KCNJ15: variants seen among roughly 807,000 people sequenced by gnomAD.
The protein encoded by KCNJ15 is potassium inwardly rectifying channel subfamily J member 15.
A neutral mutation model predicts 23.0 loss-of-function variants in KCNJ15; 14 were observed. That is an observed-to-expected ratio of 0.61 (90% confidence interval 0.40 to 0.95). KCNJ15 has a LOEUF of 0.95. Ranked by LOEUF, KCNJ15 falls within the 40% of genes least tolerant of loss-of-function variation. The pLI, the probability that KCNJ15 is intolerant of heterozygous loss-of-function variation, is 0.00. For synonymous variants in KCNJ15, 185 were observed against 183.2 expected (o/e 1.01, Z -0.08); for missense variants, 388 against 461.8 (o/e 0.84, Z 1.46).
At chr21:38,282,597 G>T (rs1983472703) in intron 1 of KCNJ15, among the ~76,000 whole-genome samples, 1 of 152,114 alleles carries the variant, frequency 6.6e-6, no homozygotes, top group Admixed American at 6.5e-5. Flanking sequence ...CTGTGGACTG[G>T]ATTCCTCTCT....
intron 1 of KCNJ15, among the ~76,000 whole-genome samples, chr21:38,247,808 T>A (rs1359062248): frequency 6.6e-6 from 1 of 152,218 alleles, no homozygotes; most frequent in South Asian, 2.1e-4. Flanking sequence ...AACATTCACA[T>A]GGTCCAGTGT....
chr21:38,242,081 A>G (rs1289083028), intron 1 of KCNJ15, among the ~76,000 whole-genome samples: 2 of 151,642 alleles, frequency 1.3e-5, no homozygotes, highest in Non-Finnish European at 2.9e-5. Context: ...AGAGAGGATT[A>G]TTCTTAACAG....
chr21:38,302,270 G>A lies in KCNJ15; in HGVS notation c.*1881G>A, dbSNP rs1985853169. 3 of 152,196 alleles carry A rather than the reference G, an allele frequency of 2.0e-5. No homozygotes were observed. 9.4% of individuals were successfully genotyped at this position (152,196 alleles called of 1,614,324 possible). A position where few individuals can be genotyped will look rare whatever the true frequency, so the allele number is the denominator to read the frequency against. ...GGATTCAGGTTATCAGTGAAATGAT[G>A]GTATAGATTACAGCAAATCTGGATA... On this transcript the variant is annotated 3_prime_UTR_variant, in exon 3 of 3. Transcript: ENST00000398938.
intron 1 of KCNJ15, among the ~76,000 whole-genome samples, chr21:38,294,141 A>T (rs1424482458): frequency 6.6e-6 from 1 of 152,206 alleles, no homozygotes; most frequent in Non-Finnish European, 1.5e-5. Flanking sequence ...TCTACTTAAT[A>T]TTTAAAACGG....
chr21:38,242,043 G>T (rs1979041911), intron 1 of KCNJ15, among the ~76,000 whole-genome samples: 1 of 151,744 alleles, frequency 6.6e-6, no homozygotes, highest in African/African-American at 2.4e-5. Context: ...CCCAGAGTCG[G>T]TGTTTGAAAA....
chr21:38,238,524 C>T (rs775501644), intron 1 of KCNJ15: 15 of 639,422 alleles, frequency 2.3e-5, no homozygotes, highest in East Asian at 1.4e-4. Context: ...GGACCATCTC[C>T]GGCAATGCCA....
chr21:38,260,452 T>C (rs1980766634), intron 1 of KCNJ15, among the ~76,000 whole-genome samples: 1 of 152,252 alleles, frequency 6.6e-6, no homozygotes, highest in Admixed American at 6.5e-5. Flanking sequence ...ATGGGCATTG[T>C]GCCTCAACTA....
intron 1 of KCNJ15, among the ~76,000 whole-genome samples, chr21:38,280,433 G>A (rs375117523): frequency 6.6e-6 from 1 of 152,030 alleles, no homozygotes; most frequent in East Asian, 1.9e-4. Context: ...GCTTTCTTTG[G>A]GAAAACAGCA....
chr21:38,246,311 C>T (rs1979371265), intron 1 of KCNJ15, among the ~76,000 whole-genome samples: 1 of 152,148 alleles, frequency 6.6e-6, no homozygotes, highest in Admixed American at 6.5e-5. Context: ...GCTCTAAGCT[C>T]ACTAGAGTTT....
intron 1 of KCNJ15, among the ~76,000 whole-genome samples, chr21:38,296,330 A>G (rs1985154538): frequency 6.6e-6 from 1 of 152,220 alleles, no homozygotes; most frequent in Non-Finnish European, 1.5e-5. Context: ...TTATTTTCAA[A>G]AAGTACATGC....
chr21:38,235,735 A>G (rs986953235), intron 1 of KCNJ15, among the ~76,000 whole-genome samples: 1 of 152,188 alleles, frequency 6.6e-6, no homozygotes, highest in Admixed American at 6.5e-5. Flanking sequence ...TATCAATAAT[A>G]TGAATGTTTC....
In KCNJ15 at chr21:38,300,495, A is replaced by C. The variant is rs1985684445; in HGVS notation, c.*106A>C. On this transcript the variant is annotated 3_prime_UTR_variant, in exon 3 of 3. Coordinates refer to ENST00000398938, the MANE Select transcript of KCNJ15 (RefSeq NM_170736.3). ...AACGAAAATGTGTAGACGCACTCTC[A>C]AAAACTGCACGGACATACAAAATCA... is the stretch of plus-strand genomic sequence containing the variant. The C allele has an allele frequency of 4.4e-6, 4 of 905,462 alleles. No homozygotes were observed. Among genetic ancestry groups the C allele is most frequent in the Non-Finnish European group, 6.7e-6 (4 of 593,996 alleles). The allele number at this position is 905,462 out of a possible 1,614,324, so 56.1% of individuals were successfully genotyped here.
intron 1 of KCNJ15, among the ~76,000 whole-genome samples, chr21:38,251,595 A>C (rs1037148387): frequency 3.9e-5 from 6 of 152,242 alleles, no homozygotes; most frequent in African/African-American, 1.4e-4. Flanking sequence ...ATGCCGTGGC[A>C]AATGTGCACT....
intron 1 of KCNJ15, among the ~76,000 whole-genome samples, chr21:38,270,870 T>C (rs548413718): frequency 6.6e-6 from 1 of 152,154 alleles, no homozygotes; most frequent in Non-Finnish European, 1.5e-5. Flanking sequence ...TTTAAGGGAG[T>C]GTGTAACTGT....
At position 38,303,943 on chromosome 21, in the gene KCNJ15, A is replaced by T. The variant is rs1482824945; in HGVS notation, c.*3554A>T. 6.6e-6 allele frequency: 1 copy of T among 152,166 alleles called. No individual in the cohort carries two copies. Among genetic ancestry groups the T allele is most frequent in the African/African-American group, 2.4e-5 (1 of 41,448 alleles). 9.4% of individuals were successfully genotyped at this position (152,166 alleles called of 1,614,324 possible). ...ACTAGGTTTGGTTCTATATGCTGTC[A>T]TGATGTTCAAAATGTCAGACATTTG... On this transcript the variant is annotated 3_prime_UTR_variant, in exon 3 of 3. Coordinates refer to ENST00000398938, the MANE Select transcript of KCNJ15 (RefSeq NM_170736.3).
At chr21:38,256,757 C>G (rs931307555), upstream of KCNJ15, 2 of 152,194 alleles carry the variant, frequency 1.3e-5, no homozygotes, top group Admixed American at 1.3e-4. Context: ...TTGGAGAGCC[C>G]GGACTGGATG....
rs183705616 is a variant in KCNJ15, at chr21:38,257,479, G to T, written c.-117+294G>T. The stretch of plus-strand genomic sequence containing the variant: ...TACGGGGGTCTAGCTTGCGGGACAA[G>T]AATTACTCCGACTTCTCTTTGCAAG... On this transcript the variant is annotated intron_variant, in intron 1 of 2. Transcript: ENST00000398938. Among the ~76,000 whole-genome samples the T allele has an allele frequency of 1.9e-3, 284 of 152,316 alleles. 2 individuals carry two copies. The highest frequency in any genetic ancestry group is 0.017 in the South Asian group (82 of 4,830).
chr21:38,241,264 C>T (rs1601125821), intron 1 of KCNJ15, among the ~76,000 whole-genome samples: 2 of 151,952 alleles, frequency 1.3e-5, no homozygotes, highest in African/African-American at 2.4e-5. Context: ...TCTTTTTCTT[C>T]CTGATAATTT....
intron 1 of KCNJ15, among the ~76,000 whole-genome samples, chr21:38,278,037 G>A (rs950087529): frequency 7.2e-5 from 11 of 152,160 alleles, no homozygotes; most frequent in African/African-American, 1.7e-4. Context: ...TCTGCATCAC[G>A]CATCAGTAAA....
Sources: allele counts gnomAD v4.1 joint callset (sites outside exome capture counted in the v4.1 genomes callset), GRCh38; gene constraint gnomAD v4.1.1; transcripts MANE v1.5; gene names NCBI Gene and HGNC (gene_info 2026-07-23, HGNC 2026-07-21).